Variants in RBFOX1 observed in about 807,000 individuals in gnomAD.
RBFOX1 encodes RNA binding protein fox-1 homolog 1.
RBFOX1 carries 8 observed loss-of-function variants against 57.7 expected under a neutral mutation model. The ratio of observed to expected loss-of-function variants is 0.14; its 90% CI spans 0.08 to 0.25. RBFOX1 has a LOEUF of 0.25. RBFOX1 is among the 10% of genes least tolerant of loss of function. The pLI is 1.00. For missense variants in RBFOX1, 611 were observed against 548.5 expected (o/e 1.11, Z -1.14); for synonymous variants, 326 against 222.4 (o/e 1.47, Z -4.15).
At chr16:6,832,074 T>G (rs937431598) in intron 3 of RBFOX1, among the ~76,000 whole-genome samples, 5 of 152,238 alleles carry the variant, frequency 3.3e-5, no homozygotes, top group Non-Finnish European at 7.3e-5. Flanking sequence ...TAATCAACCA[T>G]TTGTAGACAA....
At chr16:7,359,081 C>T (rs960984631) in intron 4 of RBFOX1, among the ~76,000 whole-genome samples, 1 of 152,148 alleles carries the variant, frequency 6.6e-6, no homozygotes, top group African/African-American at 2.4e-5. Context: ...ACAGCATAGC[C>T]ATCTAAGGAG....
At position 7,520,181 on chromosome 16, in the gene RBFOX1, G is replaced by A. The variant is rs527887384; in HGVS notation, c.270+1792G>A. Among the ~76,000 whole-genome samples, 17 of 152,130 alleles carry A rather than the reference G, an allele frequency of 1.1e-4. No individual in the cohort carries two copies. In the East Asian group the frequency reaches 1.7e-3, roughly 16 times the overall value. The stretch of plus-strand genomic sequence containing the variant: ...ATTACAGGCGTGAGCCACCGCGCCC[G>A]GCCTAGTTTTGAAGATTTTTTAAAA... On this transcript the variant is annotated intron_variant, in intron 5 of 15. Coordinates refer to ENST00000550418, the MANE Select transcript of RBFOX1 (RefSeq NM_018723.4).
intron 1 of RBFOX1, among the ~76,000 whole-genome samples, chr16:6,231,261 C>T (rs1038724112): frequency 2.0e-4 from 26 of 129,424 alleles, no homozygotes; most frequent in African/African-American, 6.4e-4. Context: ...TGTGTGTGTT[C>T]CTTATAAGCC....
Position 7,711,461 on chromosome 16 carries a change from C to T in RBFOX1, c.*716C>T, listed in dbSNP as rs2083989703. ...CAGTCGCTATTTAGGAAAAAAAACC[C>T]ACTAGTTAGGCCATCAACAAGCATT... On this transcript the variant is annotated 3_prime_UTR_variant, in exon 16 of 16. Coordinates refer to ENST00000550418, the MANE Select transcript of RBFOX1 (RefSeq NM_018723.4). 1 of 152,478 alleles carries T rather than the reference C, an allele frequency of 6.6e-6. No homozygotes were observed. The highest frequency in any genetic ancestry group is 2.1e-4 in the South Asian group (1 of 4,822). 9.4% of individuals were successfully genotyped at this position (152,478 alleles called of 1,614,324 possible).
chr16:6,208,661 G>A (rs901957917), intron 1 of RBFOX1, among the ~76,000 whole-genome samples: 5 of 152,140 alleles, frequency 3.3e-5, no homozygotes. Context: ...TAATCGTTCT[G>A]CAATTTAGAA....
chr16:6,129,807 A>G (rs1304089300), intron 1 of RBFOX1, among the ~76,000 whole-genome samples: 1 of 152,016 alleles, frequency 6.6e-6, no homozygotes, highest in Non-Finnish European at 1.5e-5. Flanking sequence ...TATAAAATGC[A>G]GGGGATGAAT....
chr16:7,424,769 C>G (rs1428121219), intron 4 of RBFOX1, among the ~76,000 whole-genome samples: 2 of 152,158 alleles, frequency 1.3e-5, no homozygotes, highest in Non-Finnish European at 2.9e-5. Context: ...AGCAAACAAA[C>G]AAACAAACAG....
intron 4 of RBFOX1, among the ~76,000 whole-genome samples, chr16:7,332,451 T>A (rs117770952): frequency 0.02 from 3,051 of 152,342 alleles, 46 homozygotes; most frequent in Middle Eastern, 0.037. Flanking sequence ...AATATCTTCT[T>A]ATTTTTTTTC....
chr16:6,646,849 C>G (rs1325070050), intron 2 of RBFOX1, among the ~76,000 whole-genome samples: 2 of 152,018 alleles, frequency 1.3e-5, no homozygotes, highest in African/African-American at 2.4e-5. Context: ...GACTCAGTGT[C>G]CGAAGTCAAG....
intron 4 of RBFOX1, among the ~76,000 whole-genome samples, chr16:7,374,528 A>C (rs981125678): frequency 2.6e-5 from 4 of 152,112 alleles, no homozygotes; most frequent in Non-Finnish European, 5.9e-5. Flanking sequence ...CTTTTTACTC[A>C]AGGAATCTAC....
At chr16:5,423,118 G>C (rs963498028) in intron 1 of RBFOX1, among the ~76,000 whole-genome samples, 1 of 147,952 alleles carries the variant, frequency 6.8e-6, no homozygotes, top group Non-Finnish European at 1.5e-5. Flanking sequence ...AGGGAGGAAG[G>C]GGAGGGAGGA....
At chr16:6,996,081 G>A (rs1469138879) in intron 3 of RBFOX1, among the ~76,000 whole-genome samples, 1 of 152,190 alleles carries the variant, frequency 6.6e-6, no homozygotes, top group Non-Finnish European at 1.5e-5. Flanking sequence ...AAGACCATCA[G>A]TGATCCAAGT....
intron 1 of RBFOX1, among the ~76,000 whole-genome samples, chr16:5,349,127 C>G (rs551217218): frequency 6.6e-6 from 1 of 152,146 alleles, no homozygotes; most frequent in Non-Finnish European, 1.5e-5. Flanking sequence ...AAAGAAATCC[C>G]GACATATGCA....
intron 4 of RBFOX1, among the ~76,000 whole-genome samples, chr16:7,194,716 C>T (rs1046563928): frequency 2.0e-5 from 3 of 151,856 alleles, no homozygotes; most frequent in East Asian, 1.9e-4. Context: ...TTGCCTGAGC[C>T]CTGGAGTGCA....
chr16:5,536,094 A>T (rs1239969620), intron 2 of RBFOX1, among the ~76,000 whole-genome samples: 1 of 41,570 alleles, frequency 2.4e-5, no homozygotes, highest in African/African-American at 1.3e-4. Flanking sequence ...CAAGTCATCA[A>T]GCCCCCCCCC....
At chr16:6,174,906 A>G (rs1305207641) in intron 1 of RBFOX1, among the ~76,000 whole-genome samples, 3 of 152,170 alleles carry the variant, frequency 2.0e-5, no homozygotes, top group Admixed American at 6.6e-5. Flanking sequence ...TCTACTGCTT[A>G]AAAGGAAGGC....
chr16:5,651,525 G>A (rs1485915367), intron 3 of RBFOX1, among the ~76,000 whole-genome samples: 1 of 152,140 alleles, frequency 6.6e-6, no homozygotes, highest in Non-Finnish European at 1.5e-5. Flanking sequence ...ACCTGGATCA[G>A]GTTTCACCCT....
At chr16:6,865,273 G>GA (rs2059729132) in intron 3 of RBFOX1, among the ~76,000 whole-genome samples, 1 of 151,862 alleles carries the variant, frequency 6.6e-6, no homozygotes, top group Non-Finnish European at 1.5e-5. Context: ...ACAGTACTGG[G>GA]ATTACAGACG....
Position 6,735,779 on chromosome 16 carries a change from T to C in RBFOX1, c.-16+81129T>C, listed in dbSNP as rs150866068. ...TTCCCAAGTGGCATGGGTGGTGATCTGTGGTTCCTCTCCCCCTGTGAAGAA... is the reference window on the plus strand; with the variant it reads ...TTCCCAAGTGGCATGGGTGGTGATCCGTGGTTCCTCTCCCCCTGTGAAGAA... On this transcript the variant is annotated intron_variant, in intron 3 of 15. Transcript: ENST00000550418. Among the ~76,000 whole-genome samples the C allele has an allele frequency of 4.5e-3, 691 of 152,330 alleles. 3 individuals carry two copies. Among genetic ancestry groups the C allele is most frequent in the Non-Finnish European group, 7.7e-3 (527 of 68,030 alleles).
Sources: gnomAD v4.1 joint callset for allele counts (sites outside exome capture counted in the v4.1 genomes callset) on GRCh38, gnomAD v4.1.1 for gene constraint, MANE v1.5 for transcripts, NCBI Gene and HGNC (gene_info 2026-07-23, HGNC 2026-07-21) for gene names.